Variants in KRT78 observed in about 807,000 individuals in gnomAD.
The protein encoded by KRT78 is keratin, type II cytoskeletal 78.
KRT78 carries 55 observed loss-of-function variants against 51.4 expected under a neutral mutation model. The ratio of observed to expected loss-of-function variants is 1.07; its 90% CI spans 0.86 to 1.34. The LOEUF is 1.34. Ranked by LOEUF, KRT78 falls within the 40% of genes most tolerant of loss-of-function variation. The probability of loss-of-function intolerance (pLI) is 0.00; values close to 1 mark genes in which losing one functional copy is unlikely to be tolerated. For synonymous variants in KRT78, 291 were observed against 264.3 expected (o/e 1.10, Z -0.98); for missense variants, 652 against 649.4 (o/e 1.00, Z -0.04).
intron 2 of KRT78, among the ~76,000 whole-genome samples, chr12:52,847,531 T>G (rs1158940121): frequency 6.6e-6 from 1 of 152,114 alleles, no homozygotes; most frequent in Non-Finnish European, 1.5e-5. Flanking sequence ...CCAGAGAACA[T>G]CTGAATCACT....
Position 52,848,240 on chromosome 12 carries a change from A to G in KRT78, c.385-119T>C, listed in dbSNP as rs1242913259. 9 of 1,543,850 alleles carry G rather than the reference A, an allele frequency of 5.8e-6. No homozygotes were observed. In the African/African-American group the frequency reaches 9.6e-5, roughly 16 times the overall value. On this transcript the variant is annotated intron_variant, in intron 1 of 8. Transcript: ENST00000304620. ...CACCTTTCCCCTGTCCCCCTGCCCAACCTGGGCAGGGGAAGCCTCATGACC... is the reference window on the plus strand; with the variant it reads ...CACCTTTCCCCTGTCCCCCTGCCCAGCCTGGGCAGGGGAAGCCTCATGACC...
Position 52,846,243 on chromosome 12 carries a change from T to A in KRT78, c.710A>T (p.Glu237Val). The change falls in exon 4 of 9, where the codon GAG becomes GTG. Residue 237 changes from glutamate (E) to valine (V), a missense_variant. Glu to Val is a moderately radical substitution (Grantham distance 121). Transcript: ENST00000304620. ...LSKMELEGKL[E>V]ALREYLYFLK... Reference sequence around the variant, plus strand: ...GAAGTAGAGGTACTCTCTCAGAGCCTCCAGCTTGCCCTCCAACTCCATCTT... The same window carrying A: ...GAAGTAGAGGTACTCTCTCAGAGCCACCAGCTTGCCCTCCAACTCCATCTT... 1 of 1,614,032 alleles carries A rather than the reference T, an allele frequency of 6.2e-7. No homozygotes were observed.
Position 52,839,307 on chromosome 12 carries a change from G to C in KRT78, c.1369C>G (p.Leu457Val). The C allele has an allele frequency of 6.2e-7, 1 of 1,613,718 alleles. No individual in the cohort carries two copies. Among genetic ancestry groups the C allele is most frequent in the Non-Finnish European group, 8.5e-7 (1 of 1,179,854 alleles). Residue 457 changes from leucine (L) to valine (V), a missense_variant, in exon 9 of 9, where the codon CTC becomes GTC. Transcript: ENST00000304620. ...CCAGGGCTGCCTTTCCCACTACCGA[G>C]TCCACAAGTGCTCCCCAAGCCTCCA... ...VGGGLGSTCG[L>V]GSGKGSPGSC...
intron 3 of KRT78, 28 bp downstream of exon 3, chr12:52,846,736 T>C (rs1940651724): frequency 6.2e-7 from 1 of 1,604,986 alleles, no homozygotes. Context: ...GCTCAGAACG[T>C]AAGTGGAGCA....
At position 52,846,215 on chromosome 12, in the gene KRT78, C is replaced by A; in HGVS notation, c.738G>T (p.Leu246Phe). The change falls in exon 4 of 9, where the codon TTG becomes TTT. Residue 246 changes from leucine (L) to phenylalanine (F), a missense_variant. Coordinates refer to ENST00000304620, the MANE Select transcript of KRT78 (RefSeq NM_173352.4). ...GCCTCACTTCTTCATTCAGATGCTTCAAGAAGTAGAGGTACTCTCTCAGAG... is the reference window on the plus strand; with the variant it reads ...GCCTCACTTCTTCATTCAGATGCTTAAAGAAGTAGAGGTACTCTCTCAGAG... ...LEALREYLYF[L>F]KHLNEEELGQ... 2 of 1,613,164 alleles carry A rather than the reference C, an allele frequency of 1.2e-6. No individual in the cohort carries two copies. Among genetic ancestry groups the A allele is most frequent in the East Asian group, 2.2e-5 (1 of 44,864 alleles).
Position 52,839,224 on chromosome 12 carries a change from C to G in KRT78, c.1452G>C (p.Lys484Asn), listed in dbSNP as rs149039264. The G allele has an allele frequency of 1.2e-6, 2 of 1,611,952 alleles. No individual in the cohort carries two copies. The highest frequency in any genetic ancestry group is 4.5e-5 in the East Asian group (2 of 44,836). ...CAGAGCAGGAATCCAAAACAGGGTC[C>G]TTCCCAGAGCCCAGAATGATGTTGG... The part of the protein sequence containing the change: ...GGSNIILGSG[K>N]DPVLDSCSVS... The change falls in exon 9 of 9, where the codon AAG becomes AAC. Residue 484 changes from lysine to asparagine, a missense_variant. Physicochemically the swap from Lys to Asn is moderately conservative, Grantham distance 94. Transcript: ENST00000304620.
chr12:52,848,949 C>G lies in KRT78; in HGVS notation c.-19G>C. 3 of 1,525,374 alleles carry G rather than the reference C, an allele frequency of 2.0e-6. No homozygotes were observed. Among genetic ancestry groups the G allele is most frequent in the Non-Finnish European group, 2.6e-6 (3 of 1,142,518 alleles). The allele number at this position is 1,525,374 out of a possible 1,614,324, so 94.5% of individuals were successfully genotyped here. On this transcript the variant is annotated 5_prime_UTR_variant, in exon 1 of 9. Transcript: ENST00000304620. ...GAGACATGGCAGAGACAGACAGTCA[C>G]GCAGCTGCAGACGGACAGACAGATT... is the stretch of plus-strand genomic sequence containing the variant.
At chr12:52,843,688 CAAAAA>C (rs1158055717) in intron 6 of KRT78, among the ~76,000 whole-genome samples, 8 of 63,192 alleles carry the variant, frequency 1.3e-4, no homozygotes, top group African/African-American at 3.0e-4. Context: ...GACTCTGTCT[CAAAAA>C]AAAAAAAAAA....
intron 6 of KRT78, among the ~76,000 whole-genome samples, chr12:52,841,486 C>CAA (rs56956757): frequency 1.0e-4 from 10 of 98,704 alleles, no homozygotes; most frequent in South Asian, 3.3e-4. Context: ...GACTCCTTCT[C>CAA]AAAAAAAAAA....
chr12:52,842,889 C>G (rs12305687), intron 6 of KRT78, among the ~76,000 whole-genome samples: 8 of 147,222 alleles, frequency 5.4e-5, no homozygotes, highest in Non-Finnish European at 1.2e-4. Flanking sequence ...CACTCCAGTC[C>G]GGGCTGACAA....
intron 6 of KRT78, among the ~76,000 whole-genome samples, chr12:52,840,954 A>T (rs1459375850): frequency 1.3e-5 from 2 of 151,826 alleles, no homozygotes; most frequent in Admixed American, 6.6e-5. Context: ...CAGGCCTAGG[A>T]CACTAGTACA....
chr12:52,843,058 G>GAAGA (rs1390616576), intron 6 of KRT78, among the ~76,000 whole-genome samples: 43 of 145,082 alleles, frequency 3.0e-4, no homozygotes, highest in Non-Finnish European at 5.4e-4. Flanking sequence ...AGGGAGGAAG[G>GAAGA]AAGAAAGAAA....
At chr12:52,844,489 G>T in intron 5 of KRT78, 70 bp downstream of exon 5, 2 of 1,521,602 alleles carry the variant, frequency 1.3e-6, no homozygotes, top group South Asian at 1.3e-5. Context: ...CGAGGTGGAT[G>T]ACCACCCTAG....
chr12:52,841,972 T>C (rs555890201), intron 6 of KRT78, among the ~76,000 whole-genome samples: 93 of 152,284 alleles, frequency 6.1e-4, no homozygotes, highest in African/African-American at 1.9e-3. Flanking sequence ...CTGGGCCCCA[T>C]CCTTAGAGAT....
At position 52,839,138 on chromosome 12, in the gene KRT78, C is replaced by A. The variant is rs764262218; in HGVS notation, c.1538G>T (p.Ser513Ile). 1.2e-6 allele frequency: 2 copies of A among 1,613,360 alleles called. No individual in the cohort carries two copies. Among genetic ancestry groups the A allele is most frequent in the Non-Finnish European group, 1.7e-6 (2 of 1,179,858 alleles). Residue 513 changes from serine (S) to isoleucine (I), a missense_variant, in exon 9 of 9, where the codon AGT becomes ATT. Ser to Ile is a moderately radical substitution (Grantham distance 142). Coordinates refer to ENST00000304620, the MANE Select transcript of KRT78 (RefSeq NM_173352.4). The part of the protein sequence containing the change: ...HTILKKTVES[S>I]LKTSITY ...TCAGTAGGTGATGGATGTCTTCAGA[C>A]TCGACTCAACTGTCTTCTTCAGGAT... is the stretch of plus-strand genomic sequence containing the variant.
In KRT78 at chr12:52,844,149, G is replaced by C; in HGVS notation, c.991C>G (p.Gln331Glu). 6.2e-7 allele frequency: 1 copy of C among 1,612,062 alleles called. No homozygotes were observed. Among genetic ancestry groups the C allele is most frequent in the East Asian group, 2.2e-5 (1 of 44,864 alleles). ...AGCCTCTGAATCTCTTGGTGTAGCT[G>C]AGAGATCTGGACTTTCGTTTCCTGC... ...RMQETKVQIS[Q>E]LHQEIQRLQS... Residue 331 changes from glutamine (Q) to glutamate (E), a missense_variant, in exon 6 of 9, where the codon CAG becomes GAG. Coordinates refer to ENST00000304620, the MANE Select transcript of KRT78 (RefSeq NM_173352.4).
intron 2 of KRT78, 115 bp downstream of exon 2, chr12:52,847,792 G>A (rs1202765579): frequency 2.4e-6 from 2 of 842,182 alleles, no homozygotes; most frequent in East Asian, 5.2e-5. Context: ...GTAGAGGGGA[G>A]GCCAGTCATG....
intron 6 of KRT78, among the ~76,000 whole-genome samples, chr12:52,840,577 C>T (rs562357571): frequency 2.6e-5 from 4 of 152,178 alleles, no homozygotes; most frequent in South Asian, 2.1e-4. Flanking sequence ...CATAGTGGCA[C>T]GCACCTGTAG....
intron 5 of KRT78, 39 bp from the exon 6 acceptor site, chr12:52,844,257 A>G (rs746245882): frequency 1.9e-6 from 3 of 1,553,488 alleles, no homozygotes; most frequent in South Asian, 2.5e-5. Flanking sequence ...AGTTGAGAGG[A>G]CTGCCACCTT....
Sources: allele counts gnomAD v4.1 joint callset (sites outside exome capture counted in the v4.1 genomes callset), GRCh38; gene constraint gnomAD v4.1.1; transcripts MANE v1.5; gene names NCBI Gene and HGNC (gene_info 2026-07-23, HGNC 2026-07-21).